GCKR: variants seen among roughly 807,000 people sequenced by gnomAD.
GCKR encodes glucokinase regulatory protein.
GCKR carries 73 observed loss-of-function variants against 82.9 expected under a neutral mutation model. The observed-to-expected ratio is 0.88, with a 90% CI of 0.73 to 1.07. The LOEUF (loss-of-function observed/expected upper bound fraction) is 1.07. Among genes scored for constraint, GCKR ranks in the 50% least tolerant of loss-of-function variants. The probability of loss-of-function intolerance (pLI) is 0.00; values close to 1 mark genes in which losing one functional copy is unlikely to be tolerated. For synonymous variants in GCKR, 294 were observed against 291.8 expected (o/e 1.01, Z -0.08); for missense variants, 784 against 782.1 (o/e 1.00, Z -0.03).
intron 7 of GCKR, among the ~76,000 whole-genome samples, chr2:27,500,506 A>G (rs1198575487): frequency 2.0e-5 from 3 of 152,222 alleles, no homozygotes; most frequent in African/African-American, 7.2e-5. Context: ...TTTATGCTAT[A>G]GCCATAGGGT....
intron 16 of GCKR, 146 bp from the exon 17 acceptor site, chr2:27,518,642 A>T: frequency 1.3e-6 from 1 of 748,484 alleles, no homozygotes; most frequent in Non-Finnish European, 2.4e-6. Flanking sequence ...CTAACATTTA[A>T]ACGCTGGGCT....
chr2:27,518,447 TG>T (rs1180566491), intron 16 of GCKR, among the ~76,000 whole-genome samples: 5 of 152,246 alleles, frequency 3.3e-5, no homozygotes, highest in Admixed American at 1.3e-4. Flanking sequence ...AAGAAGCCTG[TG>T]GTTTAGTGGA....
intron 10 of GCKR, among the ~76,000 whole-genome samples, chr2:27,506,276 C>G (rs1049407291): frequency 6.6e-6 from 1 of 152,192 alleles, no homozygotes; most frequent in African/African-American, 2.4e-5. Flanking sequence ...ACTCGTCCCT[C>G]TTTCTGCTCT....
intron 16 of GCKR, among the ~76,000 whole-genome samples, chr2:27,513,180 G>C (rs1669930069): frequency 6.6e-6 from 1 of 152,114 alleles, no homozygotes; most frequent in Non-Finnish European, 1.5e-5. Flanking sequence ...TTTCAATGGT[G>C]ATTTTCTATT....
chr2:27,513,942 TGTGTG>T (rs1669946597), intron 16 of GCKR, among the ~76,000 whole-genome samples: 1 of 141,166 alleles, frequency 7.1e-6, no homozygotes, highest in South Asian at 2.3e-4. Context: ...TGTGTGTGTG[TGTGTG>T]TAACAATAGT....
At chr2:27,504,624 A>C (rs1447570111) in intron 9 of GCKR, among the ~76,000 whole-genome samples, 1 of 151,770 alleles carries the variant, frequency 6.6e-6, no homozygotes, top group Non-Finnish European at 1.5e-5. Flanking sequence ...CTGGGATTAC[A>C]GGCGTGAGCC....
At chr2:27,519,340 C>T (rs958450316) in intron 17 of GCKR, among the ~76,000 whole-genome samples, 1 of 150,808 alleles carries the variant, frequency 6.6e-6, no homozygotes, top group Non-Finnish European at 1.5e-5. Flanking sequence ...CTTGCTCTAT[C>T]GCCCAGGCTG....
chr2:27,520,553 G>A (rs1017522946), intron 17 of GCKR, among the ~76,000 whole-genome samples: 3 of 152,176 alleles, frequency 2.0e-5, no homozygotes, highest in Non-Finnish European at 4.4e-5. Context: ...CTAGACCTGC[G>A]CTGTCCAAAA....
At position 27,523,369 on chromosome 2, in the gene GCKR, G is replaced by T. The variant is rs1410861992; in HGVS notation, c.1808G>T (p.Ser603Ile). 1 of 1,612,576 alleles carries T rather than the reference G, an allele frequency of 6.2e-7. No homozygotes were observed. The highest frequency in any genetic ancestry group is 1.7e-5 in the Admixed American group (1 of 60,020). The change falls in exon 19 of 19, where the codon AGT (serine) becomes ATT (isoleucine). Residue 603 changes from serine to isoleucine, a missense_variant. Transcript: ENST00000264717. ...CCTTCTGTCTGTGAGGCTGTCAGGA[G>T]TGCTCTTGCTGGGCCAGGTCAGAAG... Reference protein sequence around the residue: ...AAPSVCEAVRSALAGPGQKRT... With the variant: ...AAPSVCEAVRIALAGPGQKRT...
At position 27,505,765 on chromosome 2, in the gene GCKR, C is replaced by G. The variant is rs1215594595; in HGVS notation, c.798C>G (p.Thr266=). The change falls in exon 10 of 19, where the codon ACC becomes ACG. Residue 266 remains threonine (T), a synonymous_variant. Transcript: ENST00000264717. ...CCCGGATGAAAGGTGGAAGTGCCAC[C>G]AAGATTCTGCTGGAAACCCTGTTAT... The part of the protein sequence containing the change: ...GSSRMKGGSA[T]KILLETLLLA... The G allele has an allele frequency of 6.2e-7, 1 of 1,612,920 alleles. No individual in the cohort carries two copies. The highest frequency in any genetic ancestry group is 2.2e-5 in the East Asian group (1 of 44,868).
chr2:27,502,133 G>A (rs1669598665), intron 8 of GCKR, among the ~76,000 whole-genome samples: 1 of 152,136 alleles, frequency 6.6e-6, no homozygotes, highest in African/African-American at 2.4e-5. Context: ...GTGGTCTTGG[G>A]AAGGGGGACA....
chr2:27,501,472 G>A (rs1254923829), intron 8 of GCKR, among the ~76,000 whole-genome samples: 1 of 152,210 alleles, frequency 6.6e-6, no homozygotes, highest in Non-Finnish European at 1.5e-5. Context: ...ATATAAGATA[G>A]CATACATTCA....
chr2:27,515,931 T>C (rs1422918580), intron 16 of GCKR, among the ~76,000 whole-genome samples: 3 of 144,016 alleles, frequency 2.1e-5, no homozygotes, highest in Non-Finnish European at 4.5e-5. Context: ...GCCTGGCTAA[T>C]TAAACAAAAT....
chr2:27,523,090 G>A (rs1455261738), intron 18 of GCKR, among the ~76,000 whole-genome samples, 179 bp from the exon 19 acceptor site: 2 of 152,030 alleles, frequency 1.3e-5, no homozygotes, highest in Non-Finnish European at 2.9e-5. Flanking sequence ...GTAGAGATGG[G>A]GTTTCGCCAT....
intron 8 of GCKR, chr2:27,501,574 A>T: frequency 2.5e-6 from 1 of 402,798 alleles, no homozygotes; most frequent in South Asian, 2.1e-5. Flanking sequence ...TTGTGCTTTC[A>T]TATGGGGGTG....
At chr2:27,513,460 A>G (rs1669935416) in intron 16 of GCKR, among the ~76,000 whole-genome samples, 1 of 150,992 alleles carries the variant, frequency 6.6e-6, no homozygotes, top group Non-Finnish European at 1.5e-5. Context: ...ACCAGGAGGT[A>G]GAGGTTGCAG....
chr2:27,523,616 C>T lies in GCKR; in HGVS notation c.*177C>T. ...TTTGGGGGAGAGTTCTTGCTCTCGA[C>T]CTAGTGGTTTCTACTCTCACCGACT... On this transcript the variant is annotated 3_prime_UTR_variant, in exon 19 of 19. Coordinates refer to ENST00000264717, the MANE Select transcript of GCKR (RefSeq NM_001486.4). The T allele has an allele frequency of 1.6e-6, 1 of 641,064 alleles. No homozygotes were observed. The allele number at this position is 641,064 out of a possible 1,614,324, so 39.7% of individuals were successfully genotyped here.
chr2:27,503,003 T>G (rs1669623705), intron 8 of GCKR, among the ~76,000 whole-genome samples: 1 of 152,274 alleles, frequency 6.6e-6, no homozygotes, highest in Non-Finnish European at 1.5e-5. Context: ...CAAGGAATGT[T>G]CAACAACTGT....
chr2:27,521,168 AC>A (rs1670142962), intron 17 of GCKR, among the ~76,000 whole-genome samples: 1 of 152,214 alleles, frequency 6.6e-6, no homozygotes, highest in African/African-American at 2.4e-5. Flanking sequence ...AAAATATCTG[AC>A]TAATAATGTT....
Sources: allele counts gnomAD v4.1 joint callset (sites outside exome capture counted in the v4.1 genomes callset), GRCh38; gene constraint gnomAD v4.1.1; transcripts MANE v1.5; gene names NCBI Gene and HGNC (gene_info 2026-07-23, HGNC 2026-07-21).